The following PIP5K1B variants were observed in gnomAD, a reference collection of about 807,000 sequenced individuals.
The protein encoded by PIP5K1B is phosphatidylinositol-4-phosphate 5-kinase type 1 beta, also known as phosphatidylinositol 4-phosphate 5-kinase type-1 beta.
PIP5K1B carries 42 observed loss-of-function variants against 67.0 expected under a neutral mutation model. The ratio of observed to expected loss-of-function variants is 0.63; its 90% CI spans 0.49 to 0.81. The LOEUF (loss-of-function observed/expected upper bound fraction) is 0.81, where lower values mean the gene tolerates loss of function less well. Ranked by LOEUF, PIP5K1B falls within the 30% of genes least tolerant of loss-of-function variation. PIP5K1B has a pLI of 0.00. For missense variants in PIP5K1B, 459 were observed against 646.3 expected (o/e 0.71, Z 3.14); for synonymous variants, 214 against 231.4 (o/e 0.92, Z 0.68).
chr9:68,745,282 G>A (rs1186186030), intron 2 of PIP5K1B, among the ~76,000 whole-genome samples: 1 of 152,214 alleles, frequency 6.6e-6, no homozygotes, highest in Non-Finnish European at 1.5e-5. Flanking sequence ...AGACTGGACT[G>A]CAGCCTGCTT....
chr9:68,737,097 A>G (rs1388303330), intron 1 of PIP5K1B, among the ~76,000 whole-genome samples: 1 of 152,214 alleles, frequency 6.6e-6, no homozygotes, highest in African/African-American at 2.4e-5. Flanking sequence ...AAGAGCATGA[A>G]CATCTTATGT....
At chr9:68,938,294 C>T (rs1290925446) in intron 13 of PIP5K1B, among the ~76,000 whole-genome samples, 1 of 152,122 alleles carries the variant, frequency 6.6e-6, no homozygotes, top group Non-Finnish European at 1.5e-5. Context: ...GTATTGGGTG[C>T]ATGTATATTT....
At chr9:68,730,858 T>C (rs1177209645) in intron 1 of PIP5K1B, among the ~76,000 whole-genome samples, 2 of 152,228 alleles carry the variant, frequency 1.3e-5, no homozygotes, top group Non-Finnish European at 2.9e-5. Flanking sequence ...AAAGGATGAA[T>C]GGATTTCATG....
chr9:68,757,560 C>T (rs1829988691), intron 2 of PIP5K1B, among the ~76,000 whole-genome samples: 1 of 152,066 alleles, frequency 6.6e-6, no homozygotes, highest in South Asian at 2.1e-4. Context: ...TTGTTTTAGA[C>T]CTTTGGTTAT....
chr9:68,819,302 C>G (rs1345404596), intron 3 of PIP5K1B, among the ~76,000 whole-genome samples: 2 of 152,166 alleles, frequency 1.3e-5, no homozygotes, highest in East Asian at 3.9e-4. Flanking sequence ...GAGACAGGCT[C>G]TTCCTTTATT....
intron 2 of PIP5K1B, among the ~76,000 whole-genome samples, chr9:68,795,309 A>G (rs1832229851): frequency 6.6e-6 from 1 of 152,138 alleles, no homozygotes; most frequent in Non-Finnish European, 1.5e-5. Flanking sequence ...TAGTCTTTTC[A>G]TCTGTTAAAT....
At chr9:68,863,793 C>T in intron 4 of PIP5K1B, 44 bp from the exon 5 acceptor site, 1 of 1,590,614 alleles carries the variant, frequency 6.3e-7, no homozygotes, top group Non-Finnish European at 8.6e-7. Flanking sequence ...TGAACAAGGC[C>T]CTGACTGTTA....
At chr9:68,825,822 T>C (rs544357315) in intron 4 of PIP5K1B, among the ~76,000 whole-genome samples, 1 of 152,218 alleles carries the variant, frequency 6.6e-6, no homozygotes, top group African/African-American at 2.4e-5. Context: ...TTGTTAGAAT[T>C]AAGCAGCAGG....
chr9:68,841,590 A>C (rs1361922621), intron 4 of PIP5K1B, among the ~76,000 whole-genome samples: 2 of 152,178 alleles, frequency 1.3e-5, no homozygotes, highest in African/African-American at 4.8e-5. Context: ...ACTTAGATGG[A>C]TTTTTTAATA....
intron 9 of PIP5K1B, among the ~76,000 whole-genome samples, chr9:68,918,080 ATTGT>A (rs1000737888): frequency 3.5e-5 from 5 of 144,688 alleles, no homozygotes; most frequent in African/African-American, 1.2e-4. Flanking sequence ...AACATGTTTT[ATTGT>A]TTATTTATTT....
At chr9:68,870,161 G>A (rs1489745864) in intron 5 of PIP5K1B, among the ~76,000 whole-genome samples, 2 of 152,116 alleles carry the variant, frequency 1.3e-5, no homozygotes, top group Non-Finnish European at 2.9e-5. Flanking sequence ...CTTCAAGCAC[G>A]GTTTTCCAGT....
chr9:68,921,030 G>T (rs1056552222), intron 11 of PIP5K1B, among the ~76,000 whole-genome samples: 1 of 152,118 alleles, frequency 6.6e-6, no homozygotes. Context: ...TCTTGGAAAG[G>T]AGCCCATAAT....
chr9:68,786,853 C>T (rs1392454000), intron 2 of PIP5K1B, among the ~76,000 whole-genome samples: 3 of 152,130 alleles, frequency 2.0e-5, no homozygotes, highest in Non-Finnish European at 4.4e-5. Context: ...AGCAGCTTCA[C>T]GGAGCAACCA....
chr9:68,894,930 G>T (rs576197852), intron 8 of PIP5K1B, among the ~76,000 whole-genome samples: 1 of 152,106 alleles, frequency 6.6e-6, no homozygotes, highest in Non-Finnish European at 1.5e-5. Flanking sequence ...TTCTTTCTCC[G>T]CTGTGGGGAA....
intron 5 of PIP5K1B, among the ~76,000 whole-genome samples, chr9:68,866,596 A>G (rs891821407): frequency 6.6e-6 from 1 of 152,224 alleles, no homozygotes; most frequent in Non-Finnish European, 1.5e-5. Flanking sequence ...TTAGATTTAA[A>G]TTGTCCGATA....
chr9:68,733,525 GGGAGA>G (rs970501167), intron 1 of PIP5K1B, among the ~76,000 whole-genome samples: 10 of 151,944 alleles, frequency 6.6e-5, no homozygotes, highest in African/African-American at 2.4e-4. Flanking sequence ...TTAGATTTGG[GGGAGA>G]ACAATTGAAT....
chr9:68,975,144 C>A (rs1455415109), intron 14 of PIP5K1B, among the ~76,000 whole-genome samples: 1 of 152,254 alleles, frequency 6.6e-6, no homozygotes, highest in Admixed American at 6.5e-5. Context: ...TCACAGCTCG[C>A]TGCAGCCTCA....
At chr9:68,881,759 C>G (rs543446225) in intron 6 of PIP5K1B, among the ~76,000 whole-genome samples, 51 of 152,292 alleles carry the variant, frequency 3.3e-4, no homozygotes, top group African/African-American at 1.2e-3. Flanking sequence ...CTTCCTTATT[C>G]CTAGACAAAC....
At chr9:68,984,584 A>G (rs1830022544) in intron 14 of PIP5K1B, among the ~76,000 whole-genome samples, 1 of 152,202 alleles carries the variant, frequency 6.6e-6, no homozygotes. Context: ...ATTCTTTTAT[A>G]TGTATAATTT....
Sources: gnomAD v4.1 joint callset for allele counts (sites outside exome capture counted in the v4.1 genomes callset) on GRCh38, gnomAD v4.1.1 for gene constraint, MANE v1.5 for transcripts, NCBI Gene and HGNC (gene_info 2026-07-23, HGNC 2026-07-21) for gene names.